Variants in SLC35F4 observed in about 807,000 individuals in gnomAD.
SLC35F4 encodes chromosome 14 open reading frame 36.
In SLC35F4, 24 loss-of-function variants were observed where a neutral mutation model predicts 44.2. The observed-to-expected ratio is 0.54, with a 90% CI of 0.39 to 0.76. The LOEUF is 0.76. Ranked by LOEUF, SLC35F4 falls within the 30% of genes least tolerant of loss-of-function variation. The pLI is 0.00. For missense variants in SLC35F4, 562 were observed against 586.1 expected, an observed-to-expected ratio of 0.96 and a Z score of 0.42; for synonymous variants, 238 against 223.6, an observed-to-expected ratio of 1.06 and a Z score of -0.57.
In SLC35F4 at chr14:57,911,640, A is replaced by G. The variant is rs374282443; in HGVS notation, n.282+70273T>C. ...CTTGCAAACCTGGGATAAATCCCAC[A>G]TCGTCATAGCGTATAATTCTTTTTA... On this transcript the variant is annotated intron_variant and non_coding_transcript_variant, in intron 1 of 1. Coordinates refer to the SLC35F4 transcript ENST00000556568. 3.8e-4 allele frequency among the ~76,000 whole-genome samples: 58 copies of G among 152,126 alleles called. No individual in the cohort carries two copies. In the South Asian group the frequency reaches 0.011, roughly 28 times the overall value.
At chr14:57,932,269 A>G (rs1390636461) in intron 1 of SLC35F4, among the ~76,000 whole-genome samples, 1 of 152,182 alleles carries the variant, frequency 6.6e-6, no homozygotes, top group African/African-American at 2.4e-5. Context: ...TCTCTGATGG[A>G]TTCTTCCATC....
chr14:57,727,746 A>G (rs939000362), intron 1 of SLC35F4, among the ~76,000 whole-genome samples: 9 of 152,208 alleles, frequency 5.9e-5, no homozygotes, highest in Admixed American at 5.9e-4. Context: ...GTCAGAGAAG[A>G]TGCTTGATAC....
intron 1 of SLC35F4, among the ~76,000 whole-genome samples, chr14:57,913,756 T>C (rs575484497): frequency 6.6e-6 from 1 of 152,232 alleles, no homozygotes; most frequent in Non-Finnish European, 1.5e-5. Flanking sequence ...TGCCCTCATG[T>C]ATTCATTCTC....
intron 1 of SLC35F4, among the ~76,000 whole-genome samples, chr14:57,731,567 C>A (rs1350064746): frequency 1.1e-4 from 16 of 152,164 alleles, no homozygotes; most frequent in Admixed American, 1.0e-3. Flanking sequence ...AGCAGCAGAT[C>A]CAGGCAAGAT....
At chr14:57,847,435 C>A (rs1471217926) in intron 1 of SLC35F4, among the ~76,000 whole-genome samples, 2 of 152,142 alleles carry the variant, frequency 1.3e-5, no homozygotes, top group Admixed American at 6.5e-5. Flanking sequence ...AAAAGTAATT[C>A]TTTATCTTCT....
chr14:57,900,362 G>T (rs1888974612), intron 1 of SLC35F4, among the ~76,000 whole-genome samples: 1 of 152,156 alleles, frequency 6.6e-6, no homozygotes, highest in Non-Finnish European at 1.5e-5. Flanking sequence ...AATCACTGGA[G>T]TCAGAGGGTG....
intron 1 of SLC35F4, among the ~76,000 whole-genome samples, chr14:57,743,125 GAT>G (rs1356245299): frequency 6.6e-6 from 1 of 152,152 alleles, no homozygotes; most frequent in Non-Finnish European, 1.5e-5. Flanking sequence ...AAGCAGCAAA[GAT>G]ATAAAATTGA....
Position 57,887,806 on chromosome 14 carries a change from G to C in SLC35F4, n.282+94107C>G, listed in dbSNP as rs114002625. Among the ~76,000 whole-genome samples the C allele has an allele frequency of 6.8e-3, 1,040 of 152,270 alleles. 12 individuals are homozygous for C. The highest frequency in any genetic ancestry group is 0.024 in the African/African-American group (995 of 41,556). On this transcript the variant is annotated intron_variant and non_coding_transcript_variant, in intron 1 of 1. Coordinates refer to the SLC35F4 transcript ENST00000556568. The stretch of plus-strand genomic sequence containing the variant: ...ATTCTCAAGAGGGAGCCTCAACAGC[G>C]ATACAAAGTCATGCCTAACTGTGAA...
intron 1 of SLC35F4, among the ~76,000 whole-genome samples, chr14:57,671,436 G>C (rs903147621): frequency 1.3e-5 from 2 of 151,956 alleles, no homozygotes; most frequent in Admixed American, 6.6e-5. Context: ...TGAGGCCCCT[G>C]TTTCAGGCCT....
chr14:57,660,917 T>G (rs2074117919), intron 1 of SLC35F4, among the ~76,000 whole-genome samples: 1 of 152,114 alleles, frequency 6.6e-6, no homozygotes, highest in African/African-American at 2.4e-5. Flanking sequence ...CGTAAATATT[T>G]GTTGTTGTAA....
intron 4 of SLC35F4, chr14:57,579,006 G>C (rs979962218): frequency 6.6e-6 from 1 of 152,220 alleles, no homozygotes; most frequent in African/African-American, 2.4e-5. Context: ...CAGGGTTCTG[G>C]TGAGTGTCCC....
chr14:57,926,731 G>T lies in SLC35F4; in HGVS notation n.282+55182C>A, dbSNP rs529546455. Among the ~76,000 whole-genome samples, 27 of 150,308 alleles carry T rather than the reference G, an allele frequency of 1.8e-4. No individual in the cohort carries two copies. The South Asian group carries it at 2.2e-3, about 12-fold the overall frequency. ...TATAACAATGAAGTAGGGTTGGGGG[G>T]GGGGGGTGGATATATATAGCCAAAG... On this transcript the variant is annotated intron_variant and non_coding_transcript_variant, in intron 1 of 1. Transcript: ENST00000556568.
At chr14:57,920,370 T>A (rs1267722007) in intron 1 of SLC35F4, among the ~76,000 whole-genome samples, 1 of 151,692 alleles carries the variant, frequency 6.6e-6, no homozygotes, top group Non-Finnish European at 1.5e-5. Context: ...AGCCCAGGAG[T>A]TGGAGACCAG....
At chr14:57,712,025 G>T (rs1259093251) in intron 1 of SLC35F4, among the ~76,000 whole-genome samples, 1 of 152,134 alleles carries the variant, frequency 6.6e-6, no homozygotes, top group Non-Finnish European at 1.5e-5. Flanking sequence ...CAGGTACATA[G>T]CATGGCATAT....
intron 1 of SLC35F4, among the ~76,000 whole-genome samples, chr14:57,765,765 A>G (rs1032935799): frequency 7.2e-5 from 11 of 152,234 alleles, no homozygotes; most frequent in African/African-American, 2.2e-4. Context: ...CCACTCATAT[A>G]GTCAATATGA....
chr14:57,959,526 G>T (rs1040935902), intron 1 of SLC35F4, among the ~76,000 whole-genome samples: 2 of 152,058 alleles, frequency 1.3e-5, no homozygotes, highest in African/African-American at 4.8e-5. Flanking sequence ...TTAACATCAG[G>T]CCTGTCTGAC....
intron 1 of SLC35F4, among the ~76,000 whole-genome samples, chr14:57,715,255 G>A (rs74052987): frequency 0.066 from 10,013 of 152,178 alleles, 773 homozygotes; most frequent in African/African-American, 0.19. Context: ...AAGAGGGCCA[G>A]CAAGAAATCA....
At chr14:57,650,348 T>C (rs2073733667) in intron 1 of SLC35F4, among the ~76,000 whole-genome samples, 1 of 152,124 alleles carries the variant, frequency 6.6e-6, no homozygotes, top group Admixed American at 6.6e-5. Context: ...GCAGAAATTG[T>C]TATTTTCCTC....
chr14:57,931,156 C>T (rs1322779571), intron 1 of SLC35F4, among the ~76,000 whole-genome samples: 2 of 152,130 alleles, frequency 1.3e-5, no homozygotes, highest in Non-Finnish European at 2.9e-5. Context: ...GTGTCAGTAC[C>T]AGATTTAGAA....
Sources: gnomAD v4.1 joint callset for allele counts (sites outside exome capture counted in the v4.1 genomes callset) on GRCh38, gnomAD v4.1.1 for gene constraint, MANE v1.5 for transcripts, NCBI Gene and HGNC (gene_info 2026-07-23, HGNC 2026-07-21) for gene names.